MGAM: variants seen among roughly 807,000 people sequenced by gnomAD.
MGAM encodes maltase-glucoamylase.
In MGAM, 253 loss-of-function variants were observed where a neutral mutation model predicts 358.8. The ratio of observed to expected loss-of-function variants is 0.71; its 90% CI spans 0.64 to 0.78. The LOEUF (loss-of-function observed/expected upper bound fraction) is 0.78, where lower values mean the gene tolerates loss of function less well. MGAM is among the 30% of genes least tolerant of loss of function. The pLI is 0.00. For missense variants in MGAM, 3,080 were observed against 3,432.6 expected (o/e 0.90, Z 2.57); for synonymous variants, 1,105 against 1,227.1 (o/e 0.90, Z 2.08).
chr7:142,053,352 C>A (rs1234756225), intron 26 of MGAM, among the ~76,000 whole-genome samples: 1 of 151,820 alleles, frequency 6.6e-6, no homozygotes, highest in Non-Finnish European at 1.5e-5. Context: ...ATCTAGTGCT[C>A]AATTGCAAGC....
Position 142,094,487 on chromosome 7 carries a change from G to T in MGAM, c.7296G>T (p.Lys2432Asn). ...CAGCCGCGTGGGATCAGCTGAAGAAGTCTATCATTGGTGCGTGGGTCCTTC... is the reference window on the plus strand; with the variant it reads ...CAGCCGCGTGGGATCAGCTGAAGAATTCTATCATTGGTGCGTGGGTCCTTC... ...DNTAAWDQLKKSIIGMMEFSL... is the reference protein window; with the variant it reads ...DNTAAWDQLKNSIIGMMEFSL... Residue 2432 changes from lysine to asparagine, a missense_variant, in exon 61 of 71, where the codon AAG becomes AAT. Around this residue, in one of 5 missense-constraint regions of MGAM, gnomAD observed 932 missense variants for 1,198.2 expected, o/e 0.78. Transcript: ENST00000475668. The T allele has an allele frequency of 6.5e-7, 1 of 1,543,358 alleles. No individual in the cohort carries two copies. The highest frequency in any genetic ancestry group is 2.3e-5 in the East Asian group (1 of 43,258).
intron 22 of MGAM, among the ~76,000 whole-genome samples, chr7:142,048,869 G>T (rs190711680): frequency 6.6e-6 from 1 of 152,102 alleles, no homozygotes; most frequent in African/African-American, 2.4e-5. Flanking sequence ...ACAATGTGAG[G>T]ATTTAATATA....
Position 142,103,397 on chromosome 7 carries a change from C to T in MGAM, c.8142C>T (p.Gly2714=). Residue 2714 remains glycine (G), a synonymous_variant, in exon 70 of 71, where the codon GGC becomes GGT. Coordinates refer to ENST00000475668, the MANE Select transcript of MGAM (RefSeq NM_001365693.1). The part of the protein sequence containing the change: ...PVTSVSISVS[G]MVITPSFNND... ...CCAGTGTCAGCATCTCTGTGAGTGGCATGGTCATAACACCCTCCTTCAACA... is the reference window on the plus strand; with the variant it reads ...CCAGTGTCAGCATCTCTGTGAGTGGTATGGTCATAACACCCTCCTTCAACA... The T allele has an allele frequency of 6.2e-7, 1 of 1,611,856 alleles. No individual in the cohort carries two copies. Among genetic ancestry groups the T allele is most frequent in the Non-Finnish European group, 8.5e-7 (1 of 1,179,104 alleles).
At chr7:142,105,692 A>G in intron 70 of MGAM, 122 bp from the exon 71 acceptor site, 1 of 695,368 alleles carries the variant, frequency 1.4e-6, no homozygotes, top group Non-Finnish European at 2.5e-6. Context: ...CAGTCTTTTA[A>G]CTAGACAATA....
chr7:142,035,094 T>C (rs546776948), intron 16 of MGAM, among the ~76,000 whole-genome samples: 1 of 152,198 alleles, frequency 6.6e-6, no homozygotes, highest in Non-Finnish European at 1.5e-5. Flanking sequence ...TAACATACTT[T>C]ATACAGAAAA....
intron 19 of MGAM, among the ~76,000 whole-genome samples, chr7:142,039,103 CTTTTTT>C (rs35054393): frequency 8.4e-6 from 1 of 118,966 alleles, no homozygotes; most frequent in African/African-American, 3.5e-5. Flanking sequence ...TTGCCACACA[CTTTTTT>C]TTTTTTTTTT....
rs1337122257 is a variant in MGAM, at chr7:142,045,959, A to G, written c.2499-1826A>G. Among the ~76,000 whole-genome samples the G allele has an allele frequency of 3.8e-3, 481 of 125,818 alleles. 64 individuals carry two copies. The highest frequency in any genetic ancestry group is 9.3e-3 in the Admixed American group (104 of 11,136). The allele number at this position is 125,818 out of a possible 152,430, so 82.5% of individuals were successfully genotyped here. A position where few individuals can be genotyped will look rare whatever the true frequency, so the allele number is the denominator to read the frequency against. ...ACAATATGTAATATATATTATGTAT[A>G]CATACAATATGTAATATATATTATG... On this transcript the variant is annotated intron_variant, in intron 21 of 70. Coordinates refer to ENST00000475668, the MANE Select transcript of MGAM (RefSeq NM_001365693.1).
In MGAM at chr7:142,065,963, G is replaced by T. The variant is rs374089188; in HGVS notation, c.4770+132G>T. 3,271 of 759,464 alleles carry T rather than the reference G, an allele frequency of 4.3e-3. 143 individuals are homozygous for T. In the African/African-American group the frequency reaches 0.062, roughly 14 times the overall value. 47.0% of individuals were successfully genotyped at this position (759,464 alleles called of 1,614,324 possible). ...AAGGTGTTTTTTTTTGTTTTGTTTT[G>T]TTTTGTTTTTTTTTTTGAAACAGGG... On this transcript the variant is annotated intron_variant, in intron 40 of 70. Transcript: ENST00000475668.
intron 33 of MGAM, 21 bp downstream of exon 33, chr7:142,059,987 C>G (rs4341081): frequency 0.36 from 566,391 of 1,572,816 alleles, 107,602 homozygotes; most frequent in Non-Finnish European, 0.39. Context: ...AAGCGATGAT[C>G]CACTAGTCCC....
rs1805362347 is a variant in MGAM, at chr7:142,008,713, T to C, written c.327+8T>C. The C allele has an allele frequency of 1.9e-6, 3 of 1,605,392 alleles. No individual in the cohort carries two copies. The highest frequency in any genetic ancestry group is 1.7e-6 in the Non-Finnish European group (2 of 1,176,114). On this transcript the variant is annotated splice_region_variant and intron_variant, in intron 3 of 70. Coordinates refer to ENST00000475668, the MANE Select transcript of MGAM (RefSeq NM_001365693.1). ...GACCAGCCGCCAACAAAGGTTTGAG[T>C]TATGAATTTTGTTTCCATTTTAGAA... is the stretch of plus-strand genomic sequence containing the variant.
rs1013789542 is a variant in MGAM at position 142,075,905 on chromosome 7, C to T, written c.5276-298C>T. ...CTCAAAAAATTAAAAACAGAACTTC[C>T]ATACAATCCCATGAATTCCCACTTC... is the stretch of plus-strand genomic sequence containing the variant. On this transcript the variant is annotated intron_variant, in intron 45 of 70. Coordinates refer to ENST00000475668, the MANE Select transcript of MGAM (RefSeq NM_001365693.1). Among the ~76,000 whole-genome samples the T allele has an allele frequency of 2.1e-5, 3 of 145,836 alleles. 1 individual carries two copies. The highest frequency in any genetic ancestry group is 7.3e-5 in the African/African-American group (3 of 41,072).
At chr7:142,017,454 A>G (rs1011181104) in intron 3 of MGAM, among the ~76,000 whole-genome samples, 8 of 152,148 alleles carry the variant, frequency 5.3e-5, no homozygotes, top group Non-Finnish European at 7.4e-5. Flanking sequence ...GCTCAGCTCT[A>G]CTGTAGAAGC....
chr7:142,067,830 C>G (rs1345598781), intron 42 of MGAM, among the ~76,000 whole-genome samples: 1 of 129,378 alleles, frequency 7.7e-6, no homozygotes, highest in East Asian at 2.3e-4. Context: ...CTGGCTAACC[C>G]TTCCCTTCCT....
At chr7:142,058,708 A>C (rs1036528421) in intron 31 of MGAM, among the ~76,000 whole-genome samples, 3 of 152,240 alleles carry the variant, frequency 2.0e-5, no homozygotes, top group Admixed American at 6.5e-5. Flanking sequence ...ACCACAAATC[A>C]ATCAGACAAT....
chr7:142,007,573 C>G (rs562821924), intron 2 of MGAM, among the ~76,000 whole-genome samples: 1 of 152,018 alleles, frequency 6.6e-6, no homozygotes, highest in African/African-American at 2.4e-5. Context: ...ATTTGAAACC[C>G]CCAATGAAAA....
At position 141,986,524 on chromosome 7, in the gene MGAM, C is replaced by T. The variant is rs148512507; in HGVS notation, c.-2-19005C>T. Among the ~76,000 whole-genome samples the T allele has an allele frequency of 4.5e-3, 681 of 152,164 alleles. 13 individuals are homozygous for T. Among genetic ancestry groups the T allele is most frequent in the East Asian group, 7.7e-3 (40 of 5,180 alleles). ...AGAAGACAGCAAACATGACAGAGAC[C>T]GTACATGGCTGTAAGACATTGTTTG... On this transcript the variant is annotated intron_variant, in intron 2 of 5. Coordinates refer to the MGAM transcript ENST00000465654.
At chr7:142,004,032 CA>C (rs1330977069) in intron 1 of MGAM, among the ~76,000 whole-genome samples, 1 of 151,732 alleles carries the variant, frequency 6.6e-6, no homozygotes, top group East Asian at 1.9e-4. Flanking sequence ...ATTGAAAAGT[CA>C]AAAAACAACA....
In MGAM at chr7:142,074,113, GC is replaced by G; in HGVS notation, c.5218del (p.Leu1740Ter). 1 of 1,544,282 alleles carries G rather than the reference GC, an allele frequency of 6.5e-7. No homozygotes were observed. On this transcript the variant is annotated frameshift_variant, in exon 45 of 71. Coordinates refer to ENST00000475668, the MANE Select transcript of MGAM (RefSeq NM_001365693.1). LOFTEE classifies it high-confidence loss of function. ...SRKNPLGLII[A>X]LDENKEAKGE... ...AAAGAACCCTCTTGGTCTTATTATT[GC>G]CCTAGATGAAAACAAAGAAGCAAAA...
At position 142,065,360 on chromosome 7, in the gene MGAM, C is replaced by A; in HGVS notation, c.4510C>A (p.Arg1504=). ...YEAVQEVTGQ[R]GVVITRSTFP... Reference sequence around the variant, plus strand: ...AGCCGTGCAGGAGGTGACGGGACAGCGAGGGGTCGTCATCACCCGCTCCAC... The same window carrying A: ...AGCCGTGCAGGAGGTGACGGGACAGAGAGGGGTCGTCATCACCCGCTCCAC... The change falls in exon 38 of 71, where the codon CGA becomes AGA. Residue 1504 remains arginine (R), a synonymous_variant. Coordinates refer to ENST00000475668, the MANE Select transcript of MGAM (RefSeq NM_001365693.1). 6.2e-7 allele frequency: 1 copy of A among 1,609,962 alleles called. No homozygotes were observed.
Sources: gnomAD v4.1 joint callset for allele counts (sites outside exome capture counted in the v4.1 genomes callset) on GRCh38, gnomAD v4.1.1 for gene constraint, gnomAD v4.1.1 regional missense constraint, MANE v1.5 for transcripts, NCBI Gene and HGNC (gene_info 2026-07-23, HGNC 2026-07-21) for gene names.